Variants in MICALL1 observed in about 807,000 individuals in gnomAD.
MICALL1 encodes the protein MICAL-like protein 1.
Under a neutral mutation model 83.7 loss-of-function variants are expected in MICALL1, and 61 were observed. That is an observed-to-expected ratio of 0.73 (90% CI 0.59 to 0.90). The LOEUF is 0.90. MICALL1 is among the 40% of genes least tolerant of loss of function. The pLI is 0.00. For missense variants in MICALL1, 1,066 were observed against 1,152.0 expected, an observed-to-expected ratio of 0.93 and a Z score of 1.08; for synonymous variants, 481 against 473.6, an observed-to-expected ratio of 1.02 and a Z score of -0.20.
intron 5 of MICALL1, among the ~76,000 whole-genome samples, chr22:37,920,911 C>G (rs1452265359): frequency 6.6e-6 from 1 of 151,296 alleles, no homozygotes; most frequent in Admixed American, 6.6e-5. Context: ...GGGCGACAGA[C>G]TGAGACTCCG....
At chr22:37,922,917 C>T (rs866652997) in intron 6 of MICALL1, among the ~76,000 whole-genome samples, 36 of 147,558 alleles carry the variant, frequency 2.4e-4, no homozygotes, top group African/African-American at 8.8e-4. Flanking sequence ...GGATTACAGG[C>T]GTGAGCCACT....
chr22:37,934,821 C>G (rs1323267982), intron 13 of MICALL1, among the ~76,000 whole-genome samples: 2 of 150,866 alleles, frequency 1.3e-5, no homozygotes, highest in African/African-American at 4.9e-5. Context: ...TGGTCTCGAT[C>G]TCCTGACCTT....
In MICALL1 at chr22:37,911,963, C is replaced by T. The variant is rs201864925; in HGVS notation, c.158C>T (p.Ser53Leu). ...TTTGCCTCTTGCAGAGATTTTGATT[C>T]GCTTTCCAAGGACAATGTCTTCGAG... is the stretch of plus-strand genomic sequence containing the variant. Reference protein sequence around the residue: ...RHRPDLLDFDSLSKDNVFENN... With the variant: ...RHRPDLLDFDLLSKDNVFENN... Residue 53 changes from serine to leucine, a missense_variant, in exon 2 of 16, where the codon TCG becomes TTG. Physicochemically the swap from Ser to Leu is moderately radical, Grantham distance 145. Transcript: ENST00000215957. 2.5e-5 allele frequency: 40 copies of T among 1,614,178 alleles called. No individual in the cohort carries two copies. In the East Asian group the frequency reaches 3.8e-4, roughly 15 times the overall value.
At chr22:37,912,523 CTGGCCCAGGGGG>C in intron 3 of MICALL1, 31 bp downstream of exon 3, 3 of 1,566,940 alleles carry the variant, frequency 1.9e-6, no homozygotes, top group Non-Finnish European at 1.7e-6. Context: ...TTCACGGAGG[CTGGCCCAGGGGG>C]TGGCCCTGGG....
Position 37,922,412 on chromosome 22 carries a change from G to A in MICALL1, c.1010G>A (p.Ser337Asn). The change falls in exon 6 of 16, where the codon AGC (serine) becomes AAC (asparagine). Residue 337 changes from serine to asparagine, a missense_variant. By Grantham distance (46) the Ser-to-Asn change is conservative. Coordinates refer to ENST00000215957, the MANE Select transcript of MICALL1 (RefSeq NM_033386.4). ...QENLVEQAGSSSLVNGRLHEL... is the reference protein window; with the variant it reads ...QENLVEQAGSNSLVNGRLHEL... ...AACCTGGTGGAGCAGGCTGGCAGCA[G>A]CAGCCTGGTGAACGGTGAGCAGGGT... is the stretch of plus-strand genomic sequence containing the variant. 1 of 1,530,098 alleles carries A rather than the reference G, an allele frequency of 6.5e-7. No homozygotes were observed. Among genetic ancestry groups the A allele is most frequent in the Non-Finnish European group, 8.8e-7 (1 of 1,142,364 alleles). The allele number at this position is 1,530,098 out of a possible 1,614,324, so 94.8% of individuals were successfully genotyped here. A position where few individuals can be genotyped will look rare whatever the true frequency, so the allele number is the denominator to read the frequency against.
chr22:37,906,485 C>A lies in MICALL1; in HGVS notation c.63C>A (p.Gly21=). ...WCRRQCEGYR[G]VEIRDLSSSF... ...GCCGCCAGTGCGAGGGCTACCGCGGCGTGGAGATCCGCGACCTGAGCAGCT... is the reference window on the plus strand; with the variant it reads ...GCCGCCAGTGCGAGGGCTACCGCGGAGTGGAGATCCGCGACCTGAGCAGCT... The change falls in exon 1 of 16, where the codon GGC becomes GGA. Residue 21 remains glycine, a synonymous_variant. Transcript: ENST00000215957. The surrounding 1 kb of genome is among the most constrained non-coding windows in gnomAD (Gnocchi z 4.4). 8.0e-7 allele frequency: 1 copy of A among 1,251,880 alleles called. No homozygotes were observed. 77.5% of individuals were successfully genotyped at this position (1,251,880 alleles called of 1,614,324 possible).
chr22:37,931,466 ATT>A (rs1929782614), intron 9 of MICALL1, among the ~76,000 whole-genome samples: 1 of 151,904 alleles, frequency 6.6e-6, no homozygotes, highest in East Asian at 1.9e-4. Context: ...AGCTGGGAGG[ATT>A]GCTTGAGCCC....
chr22:37,911,573 AG>A (rs1381517092), intron 1 of MICALL1, among the ~76,000 whole-genome samples: 1 of 152,156 alleles, frequency 6.6e-6, no homozygotes, highest in Non-Finnish European at 1.5e-5. Flanking sequence ...GCCCTGGGGG[AG>A]GTCACATGCG....
rs372004472 is a variant in MICALL1 at position 37,926,020 on chromosome 22, G to A, written c.1442G>A (p.Arg481His). 3.5e-5 allele frequency: 57 copies of A among 1,606,642 alleles called. No homozygotes were observed. The highest frequency in any genetic ancestry group is 4.5e-5 in the Non-Finnish European group (53 of 1,175,778). ...SPKTKKRPAP[R>H]APSASPLALH... Reference sequence around the variant, plus strand: ...AAGACAAAGAAGCGCCCTGCCCCGCGCGCACCCAGCGCGTCCCCACTGGGT... The same window carrying A: ...AAGACAAAGAAGCGCCCTGCCCCGCACGCACCCAGCGCGTCCCCACTGGGT... The change falls in exon 8 of 16, where the codon CGC (arginine) becomes CAC (histidine). Residue 481 changes from arginine (R) to histidine (H), a missense_variant. Physicochemically the swap from Arg to His is conservative, Grantham distance 29. Coordinates refer to ENST00000215957, the MANE Select transcript of MICALL1 (RefSeq NM_033386.4).
chr22:37,920,895 C>T (rs560241418), intron 5 of MICALL1, among the ~76,000 whole-genome samples: 121 of 151,824 alleles, frequency 8.0e-4, no homozygotes, highest in Middle Eastern at 3.4e-3. Flanking sequence ...CACTGCACTC[C>T]GGCCTGGGCG....
chr22:37,937,808 G>A lies in MICALL1; in HGVS notation c.2470+16G>A. ...AAGAAGAAAGGTGAGGCCCTTGCTGGGGATGAGGCTGGTGAGCACTTGAAC... is the reference window on the plus strand; with the variant it reads ...AAGAAGAAAGGTGAGGCCCTTGCTGAGGATGAGGCTGGTGAGCACTTGAAC... On this transcript the variant is annotated intron_variant, in intron 15 of 15. Coordinates refer to ENST00000215957, the MANE Select transcript of MICALL1 (RefSeq NM_033386.4). The A allele has an allele frequency of 6.2e-7, 1 of 1,613,146 alleles. No homozygotes were observed. Among genetic ancestry groups the A allele is most frequent in the Non-Finnish European group, 8.5e-7 (1 of 1,179,356 alleles).
At position 37,927,569 on chromosome 22, in the gene MICALL1, G is replaced by A. The variant is rs1409608812; in HGVS notation, c.1624G>A (p.Val542Ile). 1 of 1,613,630 alleles carries A rather than the reference G, an allele frequency of 6.2e-7. No individual in the cohort carries two copies. Among genetic ancestry groups the A allele is most frequent in the Non-Finnish European group, 8.5e-7 (1 of 1,179,528 alleles). ...AVPKSSSEPA[V>I]HAPGTPGNPV... ...GCCCAAGAGCTCCTCAGAGCCTGCT[G>A]TCCATGCCCCTGGTACCCCTGGAAA... The change falls in exon 9 of 16, where the codon GTC becomes ATC. Residue 542 changes from valine (V) to isoleucine (I), a missense_variant. By Grantham distance (29) the Val-to-Ile change is conservative (BLOSUM62 3). Coordinates refer to ENST00000215957, the MANE Select transcript of MICALL1 (RefSeq NM_033386.4).
In MICALL1 at chr22:37,906,340, G is replaced by T. The variant is rs981836590; in HGVS notation, c.-83G>T. 622 of 966,704 alleles carry T rather than the reference G, an allele frequency of 6.4e-4. 1 individual carries two copies. Among genetic ancestry groups the T allele is most frequent in the Non-Finnish European group, 7.4e-4 (600 of 811,246 alleles). 59.9% of individuals were successfully genotyped at this position (966,704 alleles called of 1,614,324 possible). On this transcript the variant is annotated 5_prime_UTR_variant, in exon 1 of 16. Coordinates refer to ENST00000215957, the MANE Select transcript of MICALL1 (RefSeq NM_033386.4). The surrounding 1 kb of genome is among the most constrained non-coding windows in gnomAD (Gnocchi z 4.4). ...GAGCTCGGAGCCGCAGCCGCAGCCG[G>T]AAACCGGGCCCGCGCGGCGGCCGCC...
At chr22:37,922,494 G>C (rs1374063919) in intron 6 of MICALL1, 68 bp downstream of exon 6, 3 of 1,246,244 alleles carry the variant, frequency 2.4e-6, no homozygotes. Context: ...AAGTCTGTGT[G>C]TCTGGGAGTG....
At position 37,933,064 on chromosome 22, in the gene MICALL1, C is replaced by T. The variant is rs776303100; in HGVS notation, c.2260C>T (p.Arg754Cys). ...CTTCAAGCAGCAGAACCTGGAGCAGCGCCAGGCTGATGTCGAGTATGAGCT... is the reference window on the plus strand; with the variant it reads ...CTTCAAGCAGCAGAACCTGGAGCAGTGCCAGGCTGATGTCGAGTATGAGCT... ...YVFKQQNLEQ[R>C]QADVEYELRC... The change falls in exon 13 of 16, where the codon CGC (arginine) becomes TGC (cysteine). Residue 754 changes from arginine to cysteine, a missense_variant. By Grantham distance (180) the Arg-to-Cys change is radical (BLOSUM62 -3). Coordinates refer to ENST00000215957, the MANE Select transcript of MICALL1 (RefSeq NM_033386.4). 10 of 1,614,030 alleles carry T rather than the reference C, an allele frequency of 6.2e-6. 1 individual carries two copies. The highest frequency in any genetic ancestry group is 4.4e-5 in the South Asian group (4 of 91,084).
chr22:37,928,897 C>T (rs1929638884), intron 9 of MICALL1, among the ~76,000 whole-genome samples: 1 of 152,158 alleles, frequency 6.6e-6, no homozygotes, highest in African/African-American at 2.4e-5. Flanking sequence ...CTGAGGCAGG[C>T]AGGTCACTTG....
chr22:37,936,618 C>T (rs184292331), intron 13 of MICALL1, among the ~76,000 whole-genome samples: 6 of 152,316 alleles, frequency 3.9e-5, no homozygotes, highest in South Asian at 2.1e-4. Context: ...CCTGGCCGGG[C>T]GCGGTGGCTC....
In MICALL1 at chr22:37,927,784, G is replaced by C. The variant is rs758802058; in HGVS notation, c.1839G>C (p.Pro613=). 3 of 1,611,894 alleles carry C rather than the reference G, an allele frequency of 1.9e-6. No homozygotes were observed. The highest frequency in any genetic ancestry group is 2.2e-5 in the East Asian group (1 of 44,842). ...TPLLLVGDRS[P]VPSPGSSSPQ... ...TCTTGTTGGTTGGAGACAGGAGCCC[G>C]GTGCCTTCCCCTGGAAGCTCGTCCC... The change falls in exon 9 of 16, where the codon CCG becomes CCC. Residue 613 remains proline (P), a synonymous_variant. Coordinates refer to ENST00000215957, the MANE Select transcript of MICALL1 (RefSeq NM_033386.4).
chr22:37,916,859 T>A (rs1178818535), intron 3 of MICALL1, among the ~76,000 whole-genome samples: 2 of 152,210 alleles, frequency 1.3e-5, no homozygotes, highest in East Asian at 1.9e-4. Context: ...AACCATAGTG[T>A]TATTGAATTT....
Sources: gnomAD v4.1 joint callset for allele counts (sites outside exome capture counted in the v4.1 genomes callset) on GRCh38, gnomAD v4.1.1 for gene constraint, Gnocchi (gnomAD v3.1) non-coding constraint, MANE v1.5 for transcripts, NCBI Gene and HGNC (gene_info 2026-07-23, HGNC 2026-07-21) for gene names.